Variants in PCDH15 observed in about 807,000 individuals in gnomAD.
PCDH15 encodes the protein protocadherin-15.
A neutral mutation model predicts 178.5 loss-of-function variants in PCDH15; 129 were observed. That is an observed-to-expected ratio of 0.72 (90% CI 0.63 to 0.84). The LOEUF (loss-of-function observed/expected upper bound fraction) is 0.84, where lower values mean the gene tolerates loss of function less well. PCDH15 is among the 40% of genes least tolerant of loss of function. The probability of loss-of-function intolerance (pLI) is 0.00; values close to 1 mark genes in which losing one functional copy is unlikely to be tolerated. For missense variants in PCDH15, 2,230 were observed against 2,099.9 expected (o/e 1.06, Z -1.21); for synonymous variants, 800 against 732.0 (o/e 1.09, Z -1.50).
intron 2 of PCDH15, among the ~76,000 whole-genome samples, chr10:55,512,185 G>T (rs949543211): frequency 3.9e-5 from 6 of 151,922 alleles, no homozygotes; most frequent in African/African-American, 1.4e-4. Context: ...ACTGACTCGT[G>T]GAAATTTAAA....
At chr10:53,819,642 A>G (rs1162869150) in intron 33 of PCDH15, among the ~76,000 whole-genome samples, 1 of 152,036 alleles carries the variant, frequency 6.6e-6, no homozygotes, top group African/African-American at 2.4e-5. Flanking sequence ...TTTAAAAGGT[A>G]TCTAATAATT....
At chr10:54,932,686 G>T (rs1837810197) in intron 2 of PCDH15, among the ~76,000 whole-genome samples, 1 of 151,988 alleles carries the variant, frequency 6.6e-6, no homozygotes, top group Non-Finnish European at 1.5e-5. Flanking sequence ...ACAAGCCTGT[G>T]CCACCATGCC....
At chr10:54,655,543 CTCTT>C (rs1183655642) in intron 2 of PCDH15, 3 of 151,766 alleles carry the variant, frequency 2.0e-5, no homozygotes, top group South Asian at 2.1e-4. Context: ...TTTCTTCTCT[CTCTT>C]TTAGTTCTGT....
At chr10:54,853,646 T>A (rs1272570383) in intron 3 of PCDH15, among the ~76,000 whole-genome samples, 1 of 151,724 alleles carries the variant, frequency 6.6e-6, no homozygotes, top group Non-Finnish European at 1.5e-5. Flanking sequence ...AAAAAAGATT[T>A]TTTTTTCACT....
intron 1 of PCDH15, among the ~76,000 whole-genome samples, chr10:55,192,932 G>T (rs1200591124): frequency 4.0e-5 from 6 of 149,004 alleles, no homozygotes; most frequent in African/African-American, 1.5e-4. Context: ...AGAAAAAATA[G>T]ATATAAAATA....
chr10:54,287,609 C>A, intron 8 of PCDH15, among the ~76,000 whole-genome samples: 1 of 151,964 alleles, frequency 6.6e-6, no homozygotes, highest in East Asian at 1.9e-4. Context: ...TTATTTTTGC[C>A]TATTTTTTTC....
chr10:54,473,343 T>C (rs933762683), intron 3 of PCDH15, among the ~76,000 whole-genome samples: 7 of 152,194 alleles, frequency 4.6e-5, no homozygotes, highest in Non-Finnish European at 7.3e-5. Context: ...ATACTGGATA[T>C]TGTCCTTGAT....
At chr10:55,295,329 C>T (rs2132272313) in intron 1 of PCDH15, among the ~76,000 whole-genome samples, 1 of 152,318 alleles carries the variant, frequency 6.6e-6, no homozygotes, top group South Asian at 2.1e-4. Context: ...CATAACACAG[C>T]AAGGATTCTT....
chr10:55,217,378 A>G (rs1283328008), intron 1 of PCDH15, among the ~76,000 whole-genome samples: 1 of 151,954 alleles, frequency 6.6e-6, no homozygotes, highest in Non-Finnish European at 1.5e-5. Flanking sequence ...TCTGTTGCTG[A>G]GTGTACGTTG....
chr10:54,707,089 C>T (rs1258936780), intron 1 of PCDH15, among the ~76,000 whole-genome samples: 1 of 152,144 alleles, frequency 6.6e-6, no homozygotes, highest in Non-Finnish European at 1.5e-5. Context: ...ACTTGGTATA[C>T]TCCTAGAGGC....
At chr10:55,423,516 C>T (rs1367022396) in intron 2 of PCDH15, among the ~76,000 whole-genome samples, 1 of 151,876 alleles carries the variant, frequency 6.6e-6, no homozygotes, top group African/African-American at 2.4e-5. Flanking sequence ...CCTATAGTCA[C>T]ACTAAGAAAG....
At chr10:54,132,807 C>G in intron 15 of PCDH15, 68 bp downstream of exon 15, 1 of 1,552,354 alleles carries the variant, frequency 6.4e-7, no homozygotes, top group Non-Finnish European at 8.7e-7. Flanking sequence ...AATATAAACT[C>G]ATTAAATGCC....
At chr10:55,092,855 ACACAT>A (rs781515173) in intron 2 of PCDH15, among the ~76,000 whole-genome samples, 8 of 152,022 alleles carry the variant, frequency 5.3e-5, no homozygotes, top group Admixed American at 1.3e-4. Flanking sequence ...AAAGACACAC[ACACAT>A]CACAAGTAAG....
chr10:55,508,058 G>A lies in PCDH15; in HGVS notation c.-156+119567C>T, dbSNP rs187803636. ...CTACTTATTTTAGAAAAAACATCCC[G>A]GACACTTATTTAGGATTTTATTTTT... On this transcript the variant is annotated intron_variant, in intron 2 of 5. Transcript: ENST00000613346. Among the ~76,000 whole-genome samples, 192 of 151,396 alleles carry A rather than the reference G, an allele frequency of 1.3e-3. 2 individuals carry two copies. The highest frequency in any genetic ancestry group is 4.3e-3 in the African/African-American group (180 of 41,394).
At chr10:54,226,424 G>A (rs1049009590) in intron 9 of PCDH15, among the ~76,000 whole-genome samples, 9 of 152,152 alleles carry the variant, frequency 5.9e-5, no homozygotes, top group African/African-American at 2.2e-4. Context: ...CTATGGCCAG[G>A]CATGGTGGCT....
chr10:54,812,295 C>T, intron 3 of PCDH15, among the ~76,000 whole-genome samples: 1 of 134,722 alleles, frequency 7.4e-6, no homozygotes, highest in African/African-American at 2.8e-5. Context: ...TTTTTTGAGA[C>T]AGTCTCGCTC....
In PCDH15 at chr10:54,778,583, T is replaced by A. The variant is rs147997112; in HGVS notation, c.-29+22342A>T. Among the ~76,000 whole-genome samples, 559 of 152,302 alleles carry A rather than the reference T, an allele frequency of 3.7e-3. 2 individuals carry two copies. Among genetic ancestry groups the A allele is most frequent in the African/African-American group, 0.013 (542 of 41,572 alleles). On this transcript the variant is annotated intron_variant, in intron 1 of 37. Transcript: ENST00000644397. ...TTGTTTCTGGTTAGTGTTTTTACTA[T>A]AATTTGGGAATAATGTACAGTGGTA...
At chr10:55,363,611 C>T (rs561880362) in intron 2 of PCDH15, among the ~76,000 whole-genome samples, 1 of 152,104 alleles carries the variant, frequency 6.6e-6, no homozygotes, top group South Asian at 2.1e-4. Context: ...TTATTTGATA[C>T]GTTTCGGCTT....
chr10:54,755,958 T>C (rs10763140), intron 1 of PCDH15, among the ~76,000 whole-genome samples: 138,074 of 151,534 alleles, frequency 0.91, 62,958 homozygotes, highest in Middle Eastern at 0.95. Flanking sequence ...CGGTAGCTCA[T>C]ACCTGTAATC....
Sources: gnomAD v4.1 joint callset for allele counts (sites outside exome capture counted in the v4.1 genomes callset) on GRCh38, gnomAD v4.1.1 for gene constraint, MANE v1.5 for transcripts, NCBI Gene and HGNC (gene_info 2026-07-23, HGNC 2026-07-21) for gene names.